Variants in PHAF1 observed in about 807,000 individuals in gnomAD.
The protein encoded by PHAF1 is phagophore assembly factor 1, also known as phagosome assembly factor 1.
Under a neutral mutation model 63.1 loss-of-function variants are expected in PHAF1, and 23 were observed. The observed-to-expected ratio is 0.36, with a 90% CI of 0.26 to 0.52. The LOEUF is 0.52. Ranked by LOEUF, PHAF1 falls within the 20% of genes least tolerant of loss-of-function variation. PHAF1 has a pLI of 0.93. For missense variants in PHAF1, 427 were observed against 517.2 expected (o/e 0.83, Z 1.69); for synonymous variants, 167 against 185.0 (o/e 0.90, Z 0.79).
At chr16:67,134,805 C>T in intron 8 of PHAF1, 1 of 459,994 alleles carries the variant, frequency 2.2e-6, no homozygotes, top group Middle Eastern at 3.2e-4. Context: ...TCTCTGCTTC[C>T]ATAATGTAAT....
intron 1 of PHAF1, 56 bp downstream of exon 1, chr16:67,110,295 G>T (rs1323875368): frequency 2.5e-5 from 38 of 1,534,152 alleles, no homozygotes; most frequent in South Asian, 2.4e-5. Context: ...TTTCTCCTGG[G>T]CTCTTCCCAC....
intron 2 of PHAF1, 108 bp from the exon 3 acceptor site, chr16:67,125,851 G>A (rs767019840): frequency 1.3e-6 from 1 of 798,230 alleles, no homozygotes; most frequent in Non-Finnish European, 2.1e-6. Context: ...GAGAGGGACT[G>A]TCTGCACTTA....
intron 2 of PHAF1, among the ~76,000 whole-genome samples, chr16:67,121,149 G>A (rs1234555501): frequency 1.3e-5 from 2 of 152,018 alleles, no homozygotes; most frequent in Non-Finnish European, 2.9e-5. Context: ...TGGGCATGTG[G>A]TGCCTATGAC....
At chr16:67,131,458 A>C (rs945314292) in intron 4 of PHAF1, 129 bp downstream of exon 4, 2 of 677,536 alleles carry the variant, frequency 3.0e-6, no homozygotes, top group Non-Finnish European at 4.9e-6. Flanking sequence ...TGAATTCCTG[A>C]GGCAACCTTC....
In PHAF1 at chr16:67,132,806, A is replaced by C. The variant is rs755620331; in HGVS notation, c.356-11A>C. On this transcript the variant is annotated splice_polypyrimidine_tract_variant and intron_variant, in intron 5 of 15. Coordinates refer to ENST00000219139, the MANE Select transcript of PHAF1 (RefSeq NM_025187.5). ...CAACCATGTTATTTTCTTCTCCCCC[A>C]CCCCCAACAGTGTACAACTCCGCTG... 1 of 1,598,270 alleles carries C rather than the reference A, an allele frequency of 6.3e-7. No individual in the cohort carries two copies. The highest frequency in any genetic ancestry group is 8.6e-7 in the Non-Finnish European group (1 of 1,165,942).
rs759861367 is a variant in PHAF1, at chr16:67,140,600, TTG to T, written c.879+9_879+10del. On this transcript the variant is annotated splice_region_variant and intron_variant, in intron 10 of 15. Transcript: ENST00000219139. The stretch of plus-strand genomic sequence containing the variant: ...ACTACTTCACTCTTGGAGTGGTAAG[TTG>T]TGATTCCTCAGAGAAGCCCTTCATT... 1 of 1,564,914 alleles carries T rather than the reference TTG, an allele frequency of 6.4e-7. No individual in the cohort carries two copies. Among genetic ancestry groups the T allele is most frequent in the East Asian group, 2.2e-5 (1 of 44,644 alleles).
rs762355142 is a variant in PHAF1 at position 67,134,453 on chromosome 16, G to T, written c.647G>T (p.Arg216Leu). ...DGTGPAGLRL[R>L]LLAAGCGPGL... ...ACTGGACCTGCAGGTTTACGACTTC[G>T]CCTACTTGCTGCAGGTCAGTGACTG... The change falls in exon 8 of 16, where the codon CGC (arginine) becomes CTC (leucine). Residue 216 changes from arginine to leucine, a missense_variant. Transcript: ENST00000219139. 6.2e-7 allele frequency: 1 copy of T among 1,612,128 alleles called. No homozygotes were observed. The highest frequency in any genetic ancestry group is 1.3e-5 in the African/African-American group (1 of 74,854).
At chr16:67,120,001 T>C in intron 1 of PHAF1, 111 bp from the exon 2 acceptor site, 1 of 792,276 alleles carries the variant, frequency 1.3e-6, no homozygotes, top group Admixed American at 2.3e-5. Flanking sequence ...TAGACCTTAG[T>C]AGCCCCCAAA....
At chr16:67,125,056 AC>A (rs1353969325) in intron 2 of PHAF1, among the ~76,000 whole-genome samples, 1 of 152,132 alleles carries the variant, frequency 6.6e-6, no homozygotes, top group Non-Finnish European at 1.5e-5. Flanking sequence ...ATTGCATTGG[AC>A]CAGAAGCATG....
chr16:67,110,273 G>T, intron 1 of PHAF1, 34 bp downstream of exon 1: 1 of 1,548,306 alleles, frequency 6.5e-7, no homozygotes, highest in Non-Finnish European at 8.7e-7. Flanking sequence ...GACCCCATTC[G>T]CTGATCCTTG....
chr16:67,127,852 A>G (rs2145850974), intron 3 of PHAF1, among the ~76,000 whole-genome samples: 1 of 152,324 alleles, frequency 6.6e-6, no homozygotes, highest in East Asian at 1.9e-4. Context: ...CTTTACAAGT[A>G]GTCATTTCCC....
intron 15 of PHAF1, 58 bp downstream of exon 15, chr16:67,146,408 C>A (rs1187343968): frequency 2.6e-6 from 4 of 1,525,426 alleles, no homozygotes; most frequent in Non-Finnish European, 1.8e-6. Context: ...CATGGCAGGG[C>A]CAGGTGAATG....
intron 1 of PHAF1, among the ~76,000 whole-genome samples, chr16:67,112,800 C>T (rs1323241187): frequency 6.6e-6 from 1 of 152,194 alleles, no homozygotes; most frequent in African/African-American, 2.4e-5. Flanking sequence ...GGCCCAGAGG[C>T]TTCATGATTC....
intron 14 of PHAF1, 100 bp downstream of exon 14, chr16:67,145,728 G>C: frequency 4.7e-6 from 6 of 1,287,094 alleles, no homozygotes; most frequent in Non-Finnish European, 6.5e-6. Context: ...AAAAATTACA[G>C]AAGTTTCTGA....
At chr16:67,124,603 G>T (rs1282692590) in intron 2 of PHAF1, among the ~76,000 whole-genome samples, 3 of 152,160 alleles carry the variant, frequency 2.0e-5, no homozygotes, top group African/African-American at 7.2e-5. Context: ...TAAACCTTTG[G>T]CCGAGCACAG....
At chr16:67,133,501 TAA>T (rs757439473) in intron 6 of PHAF1, among the ~76,000 whole-genome samples, 9 of 99,754 alleles carry the variant, frequency 9.0e-5, no homozygotes, top group South Asian at 3.3e-4. Context: ...CCAAAAATAT[TAA>T]AAAAAAAAAA....
At chr16:67,142,300 A>G (rs1241805204) in intron 10 of PHAF1, among the ~76,000 whole-genome samples, 1 of 152,218 alleles carries the variant, frequency 6.6e-6, no homozygotes, top group Non-Finnish European at 1.5e-5. Flanking sequence ...GAGGAAGTGC[A>G]TGCTGATTGG....
At position 67,146,340 on chromosome 16, in the gene PHAF1, T is replaced by C. The variant is rs746836861; in HGVS notation, c.1172T>C (p.Met391Thr). 3 of 1,614,074 alleles carry C rather than the reference T, an allele frequency of 1.9e-6. No individual in the cohort carries two copies. Among genetic ancestry groups the C allele is most frequent in the South Asian group, 2.2e-5 (2 of 91,080 alleles). The change falls in exon 15 of 16, where the codon ATG becomes ACG. Residue 391 changes from methionine (M) to threonine (T), a missense_variant. By Grantham distance (81) the Met-to-Thr change is moderately conservative. Coordinates refer to ENST00000219139, the MANE Select transcript of PHAF1 (RefSeq NM_025187.5). ...GSTFCFGLQR[M>T]IFEVMQNNHI... ...ACATTCTGCTTTGGTCTTCAGCGAA[T>C]GATCTTTGAGGTAAGCTGTGGAAGC...
At chr16:67,111,397 A>G (rs1281930349) in intron 1 of PHAF1, among the ~76,000 whole-genome samples, 1 of 152,122 alleles carries the variant, frequency 6.6e-6, no homozygotes, top group Non-Finnish European at 1.5e-5. Flanking sequence ...GGGGTGGGGT[A>G]GGTGTTGGTG....
Sources: allele counts gnomAD v4.1 joint callset (sites outside exome capture counted in the v4.1 genomes callset), GRCh38; gene constraint gnomAD v4.1.1; transcripts MANE v1.5; gene names NCBI Gene and HGNC (gene_info 2026-07-23, HGNC 2026-07-21).